The following DGKB variants were observed in gnomAD, a reference collection of about 807,000 sequenced individuals.
DGKB encodes the protein 90 kDa diacylglycerol kinase.
Under a neutral mutation model 114.3 loss-of-function variants are expected in DGKB, and 67 were observed. The ratio of observed to expected loss-of-function variants is 0.59; its 90% CI spans 0.48 to 0.72. The LOEUF (loss-of-function observed/expected upper bound fraction) is 0.72. DGKB is among the 30% of genes least tolerant of loss of function. The pLI, the probability that DGKB is intolerant of heterozygous loss-of-function variation, is 0.00. For synonymous variants in DGKB, 398 were observed against 323.1 expected, an observed-to-expected ratio of 1.23 and a Z score of -2.49; for missense variants, 907 against 975.2, an observed-to-expected ratio of 0.93 and a Z score of 0.93.
intron 17 of DGKB, among the ~76,000 whole-genome samples, chr7:14,600,189 T>C (rs978166097): frequency 2.0e-5 from 3 of 152,114 alleles, no homozygotes; most frequent in Non-Finnish European, 2.9e-5. Context: ...CACATGGCAG[T>C]AGAAGGGGAA....
At chr7:14,541,551 G>A (rs1793452022) in intron 20 of DGKB, among the ~76,000 whole-genome samples, 1 of 152,104 alleles carries the variant, frequency 6.6e-6, no homozygotes, top group African/African-American at 2.4e-5. Context: ...TGTTTATATT[G>A]GATCACATAC....
intron 21 of DGKB, among the ~76,000 whole-genome samples, chr7:14,364,081 G>C (rs935963256): frequency 1.3e-5 from 2 of 151,896 alleles, no homozygotes; most frequent in African/African-American, 4.8e-5. Flanking sequence ...ACAATACAAA[G>C]AATATGCAAA....
At chr7:14,964,704 A>G (rs1442290629) in intron 1 of DGKB, among the ~76,000 whole-genome samples, 1 of 152,118 alleles carries the variant, frequency 6.6e-6, no homozygotes, top group East Asian at 1.9e-4. Flanking sequence ...TTTTTAAGAG[A>G]TCTTGCTGGC....
chr7:14,900,946 T>C (rs1423581599), intron 1 of DGKB, among the ~76,000 whole-genome samples: 1 of 152,230 alleles, frequency 6.6e-6, no homozygotes, highest in Non-Finnish European at 1.5e-5. Context: ...AACCATATTC[T>C]TCTATTCTTC....
At chr7:14,216,412 AT>A in intron 23 of DGKB, among the ~76,000 whole-genome samples, 1 of 152,106 alleles carries the variant, frequency 6.6e-6, no homozygotes. Context: ...AAATTATAGA[AT>A]AAAAAGGTGA....
chr7:14,622,086 T>A (rs1237155630), intron 14 of DGKB, among the ~76,000 whole-genome samples: 1 of 152,114 alleles, frequency 6.6e-6, no homozygotes, highest in Non-Finnish European at 1.5e-5. Context: ...TCAACTTGTA[T>A]CACCATTACT....
rs186029896 is a variant in DGKB at position 14,152,615 on chromosome 7, T to A, written c.2305-3377A>T. On this transcript the variant is annotated intron_variant, in intron 25 of 25. Coordinates refer to ENST00000402815, the MANE Select transcript of DGKB (RefSeq NM_001350709.2). Reference sequence around the variant, plus strand: ...CTATTTCTACTTCTGTCTTCCTGTTTCAAATTAAGACTGGCCACTTCAAAA... The same window carrying A: ...CTATTTCTACTTCTGTCTTCCTGTTACAAATTAAGACTGGCCACTTCAAAA... Among the ~76,000 whole-genome samples, 5 of 152,168 alleles carry A rather than the reference T, an allele frequency of 3.3e-5. No individual in the cohort carries two copies. The East Asian group carries it at 9.7e-4, about 29-fold the overall frequency.
intron 5 of DGKB, among the ~76,000 whole-genome samples, chr7:14,727,346 G>T (rs186897684): frequency 2.0e-5 from 3 of 152,150 alleles, no homozygotes; most frequent in African/African-American, 7.2e-5. Flanking sequence ...ATCCCTTACT[G>T]GCAGTAATTA....
intron 1 of DGKB, among the ~76,000 whole-genome samples, chr7:14,901,117 C>T (rs1198972199): frequency 1.3e-5 from 2 of 152,164 alleles, no homozygotes; most frequent in East Asian, 3.8e-4. Context: ...ATGTGTGTGG[C>T]ATGGATCGCC....
At position 14,725,121 on chromosome 7, in the gene DGKB, T is replaced by C. The variant is rs79239399; in HGVS notation, c.323-6436A>G. 3.0e-3 allele frequency among the ~76,000 whole-genome samples: 452 copies of C among 152,294 alleles called. 1 individual carries two copies. Among genetic ancestry groups the C allele is most frequent in the African/African-American group, 0.01 (418 of 41,568 alleles). On this transcript the variant is annotated intron_variant, in intron 5 of 25. Transcript: ENST00000402815. ...AGCAATTCAAAGTTACAGTAAGCTA[T>C]GATCACACCACTGCAGTCTGGGCAA...
chr7:14,405,510 T>C (rs1207792185), intron 21 of DGKB, among the ~76,000 whole-genome samples: 1 of 152,056 alleles, frequency 6.6e-6, no homozygotes, highest in Non-Finnish European at 1.5e-5. Flanking sequence ...TATAATCAGA[T>C]TTTATGCATT....
At chr7:14,597,542 C>A (rs1802796780) in intron 17 of DGKB, among the ~76,000 whole-genome samples, 1 of 152,116 alleles carries the variant, frequency 6.6e-6, no homozygotes, top group East Asian at 1.9e-4. Context: ...ACGAAGAACA[C>A]TGTTACCCAA....
At chr7:14,279,089 G>A (rs1308844150) in intron 23 of DGKB, among the ~76,000 whole-genome samples, 3 of 152,144 alleles carry the variant, frequency 2.0e-5, no homozygotes, top group Non-Finnish European at 2.9e-5. Flanking sequence ...GGGTCAGGGA[G>A]TTCCCTTTCC....
intron 8 of DGKB, among the ~76,000 whole-genome samples, chr7:14,697,283 T>G (rs879651447): frequency 6.6e-6 from 1 of 152,170 alleles, no homozygotes; most frequent in South Asian, 2.1e-4. Context: ...TTTAACATAT[T>G]TGGGTCTCAA....
intron 2 of DGKB, among the ~76,000 whole-genome samples, chr7:14,793,471 A>T (rs1840977130): frequency 6.6e-6 from 1 of 152,180 alleles, no homozygotes; most frequent in East Asian, 1.9e-4. Flanking sequence ...TCTGCTTTGT[A>T]TTCTATGCCT....
intron 1 of DGKB, among the ~76,000 whole-genome samples, chr7:14,886,835 T>C (rs1268902990): frequency 6.6e-6 from 1 of 151,832 alleles, no homozygotes; most frequent in African/African-American, 2.4e-5. Context: ...ATTTCCAATG[T>C]TCTAAGGTTA....
At chr7:14,215,852 A>AAAGTC (rs2128314553) in intron 23 of DGKB, among the ~76,000 whole-genome samples, 1 of 152,318 alleles carries the variant, frequency 6.6e-6, no homozygotes, top group Non-Finnish European at 1.5e-5. Flanking sequence ...TTTATTCACA[A>AAAGTC]AAGTCAAACA....
chr7:14,365,889 T>C (rs775059684), intron 21 of DGKB, among the ~76,000 whole-genome samples: 1 of 152,154 alleles, frequency 6.6e-6, no homozygotes, highest in Non-Finnish European at 1.5e-5. Context: ...CAGCAGTTTT[T>C]AATTTTCTGT....
At chr7:14,236,344 T>TAA (rs35503614) in intron 23 of DGKB, among the ~76,000 whole-genome samples, 1 of 86,674 alleles carries the variant, frequency 1.2e-5, no homozygotes, top group Non-Finnish European at 2.2e-5. Context: ...TTCCAATTAA[T>TAA]AAAAAAAAAG....
Sources: gnomAD v4.1 joint callset for allele counts (sites outside exome capture counted in the v4.1 genomes callset) on GRCh38, gnomAD v4.1.1 for gene constraint, MANE v1.5 for transcripts, NCBI Gene and HGNC (gene_info 2026-07-23, HGNC 2026-07-21) for gene names.